Variants in KLHL14 observed in about 807,000 individuals in gnomAD.
KLHL14 encodes the protein kelch like family member 14, also known as kelch-like protein 14.
KLHL14 carries 22 observed loss-of-function variants against 64.3 expected under a neutral mutation model. The observed-to-expected ratio is 0.34, with a 90% CI of 0.24 to 0.49. KLHL14 has a LOEUF of 0.49. Ranked by LOEUF, KLHL14 falls within the 20% of genes least tolerant of loss-of-function variation. KLHL14 has a pLI of 0.99. For synonymous variants in KLHL14, 322 were observed against 333.4 expected (o/e 0.97, Z 0.37); for missense variants, 661 against 789.0 (o/e 0.84, Z 1.94).
chr18:32,729,012 T>C (rs1431194960), intron 3 of KLHL14, among the ~76,000 whole-genome samples: 1 of 152,194 alleles, frequency 6.6e-6, no homozygotes, highest in Non-Finnish European at 1.5e-5. Context: ...TCCATTGTTT[T>C]AAGCCACCCA....
intron 4 of KLHL14, among the ~76,000 whole-genome samples, chr18:32,689,314 T>G (rs1218826977): frequency 6.6e-6 from 1 of 151,876 alleles, no homozygotes; most frequent in African/African-American, 2.4e-5. Context: ...GTCCTCAGAG[T>G]GAGCCCTGGA....
intron 3 of KLHL14, among the ~76,000 whole-genome samples, chr18:32,709,953 G>C (rs1165999333): frequency 6.6e-6 from 1 of 152,138 alleles, no homozygotes. Flanking sequence ...TTAGCTACTT[G>C]GTTCAGTATT....
intron 5 of KLHL14, among the ~76,000 whole-genome samples, chr18:32,681,973 C>T (rs531878937): frequency 1.3e-5 from 2 of 152,290 alleles, no homozygotes; most frequent in South Asian, 2.1e-4. Flanking sequence ...TGATAATGGT[C>T]TCTTTCTCAC....
rs1466546622 is a variant in KLHL14 at position 32,674,740 on chromosome 18, G to C, written c.1804C>G (p.Leu602Val). ...YCPEKGTWTELEGDVAEPLAG... is the reference protein window; with the variant it reads ...YCPEKGTWTEVEGDVAEPLAG... ...AACGGTTCTGCTACATCTCCTTCGA[G>C]TTCTGTCCAGGTTCCTTTCTCTGGA... The change falls in exon 9 of 9, where the codon CTC becomes GTC. Residue 602 changes from leucine (L) to valine (V), a missense_variant. Transcript: ENST00000359358. 2 of 780,840 alleles carry C rather than the reference G, an allele frequency of 2.6e-6. No homozygotes were observed. The highest frequency in any genetic ancestry group is 4.8e-6 in the Non-Finnish European group (2 of 418,062). 48.4% of individuals were successfully genotyped at this position (780,840 alleles called of 1,614,324 possible).
chr18:32,761,967 A>G (rs912429120), intron 2 of KLHL14, among the ~76,000 whole-genome samples: 2 of 152,166 alleles, frequency 1.3e-5, no homozygotes, highest in Non-Finnish European at 2.9e-5. Flanking sequence ...GTCAAATTAC[A>G]TGGGAATTAA....
At chr18:32,701,136 T>C (rs2049964489) in intron 3 of KLHL14, among the ~76,000 whole-genome samples, 1 of 152,322 alleles carries the variant, frequency 6.6e-6, no homozygotes, top group South Asian at 2.1e-4. Context: ...GGGCATTCTA[T>C]AATTGATTCC....
intron 2 of KLHL14, among the ~76,000 whole-genome samples, chr18:32,762,751 A>G (rs2050321182): frequency 6.6e-6 from 1 of 152,140 alleles, no homozygotes; most frequent in Non-Finnish European, 1.5e-5. Context: ...ATCATTAGTA[A>G]TGCCTGTATT....
chr18:32,682,690 C>T (rs2049848067), intron 5 of KLHL14, among the ~76,000 whole-genome samples: 1 of 152,214 alleles, frequency 6.6e-6, no homozygotes, highest in African/African-American at 2.4e-5. Flanking sequence ...TCTATTTCCT[C>T]AACCAGGCTT....
chr18:32,746,452 AC>A (rs2050224328), intron 2 of KLHL14, among the ~76,000 whole-genome samples: 1 of 152,162 alleles, frequency 6.6e-6, no homozygotes, highest in African/African-American at 2.4e-5. Context: ...TTGAAGGATG[AC>A]CTAAACCTCC....
At chr18:32,735,327 G>A (rs2050159826) in intron 3 of KLHL14, among the ~76,000 whole-genome samples, 6 of 152,058 alleles carry the variant, frequency 3.9e-5, no homozygotes, top group Admixed American at 3.9e-4. Flanking sequence ...TTAAATCACT[G>A]TGTGACCCTA....
intron 3 of KLHL14, among the ~76,000 whole-genome samples, chr18:32,724,666 G>A (rs750282653): frequency 6.6e-6 from 1 of 152,190 alleles, no homozygotes; most frequent in African/African-American, 2.4e-5. Flanking sequence ...ACAATGTCTT[G>A]TGTATAGAAG....
At chr18:32,762,759 A>T (rs1262622384) in intron 2 of KLHL14, among the ~76,000 whole-genome samples, 11 of 152,126 alleles carry the variant, frequency 7.2e-5, no homozygotes. Flanking sequence ...TAATGCCTGT[A>T]TTGTGAATTA....
intron 2 of KLHL14, among the ~76,000 whole-genome samples, chr18:32,753,032 G>A (rs559470143): frequency 2.0e-5 from 3 of 150,818 alleles, no homozygotes; most frequent in Admixed American, 2.0e-4. Context: ...TTAATAAGAT[G>A]CAACGGGTAT....
At chr18:32,731,308 ATCTT>A (rs1226546873) in intron 3 of KLHL14, among the ~76,000 whole-genome samples, 3 of 152,224 alleles carry the variant, frequency 2.0e-5, no homozygotes, top group Non-Finnish European at 2.9e-5. Flanking sequence ...CTCCAAAATT[ATCTT>A]TCTATTTGTT....
intron 2 of KLHL14, among the ~76,000 whole-genome samples, chr18:32,761,714 G>T (rs533471380): frequency 6.6e-6 from 1 of 152,264 alleles, no homozygotes; most frequent in East Asian, 1.9e-4. Context: ...ACTGTAAATT[G>T]CATGCAGTCA....
Position 32,673,137 on chromosome 18 carries a change from CA to C in KLHL14, c.*1519del, listed in dbSNP as rs374613781. ...AACGGATCCTTTGGATCTGAACATA[CA>C]AATAAATACAAAAACAACGAAGATT... On this transcript the variant is annotated 3_prime_UTR_variant, in exon 9 of 9. Coordinates refer to ENST00000359358, the MANE Select transcript of KLHL14 (RefSeq NM_020805.3). The C allele has an allele frequency of 1.4e-3, 215 of 152,530 alleles. No individual in the cohort carries two copies. The highest frequency in any genetic ancestry group is 4.9e-3 in the African/African-American group (203 of 41,498). The allele number at this position is 152,530 out of a possible 1,614,324, so 9.4% of individuals were successfully genotyped here. A position where few individuals can be genotyped will look rare whatever the true frequency, so the allele number is the denominator to read the frequency against.
intron 2 of KLHL14, among the ~76,000 whole-genome samples, chr18:32,767,918 T>G (rs1229099004): frequency 6.6e-6 from 1 of 152,258 alleles, no homozygotes; most frequent in Non-Finnish European, 1.5e-5. Flanking sequence ...TGTTCAGAAC[T>G]ATAACTGTGT....
chr18:32,680,628 A>T lies in KLHL14; in HGVS notation c.1239-29T>A. The T allele has an allele frequency of 6.4e-7, 1 of 1,569,574 alleles. No individual in the cohort carries two copies. Among genetic ancestry groups the T allele is most frequent in the Non-Finnish European group, 8.6e-7 (1 of 1,156,942 alleles). ...CAATGAAAAGAACCCACAGTAAATC[A>T]CAAGAGGAGCTGTGAAATGTTACCT... On this transcript the variant is annotated intron_variant, in intron 5 of 8. Coordinates refer to ENST00000359358, the MANE Select transcript of KLHL14 (RefSeq NM_020805.3). This position sits in a 1 kb window ranked among gnomAD's most constrained non-coding sequence, Gnocchi z 4.8.
chr18:32,686,650 C>G (rs1192428316), intron 5 of KLHL14, among the ~76,000 whole-genome samples: 1 of 151,896 alleles, frequency 6.6e-6, no homozygotes, highest in Non-Finnish European at 1.5e-5. Context: ...GTAAACAAGA[C>G]AAAATTTACT....
Sources: allele counts gnomAD v4.1 joint callset (sites outside exome capture counted in the v4.1 genomes callset), GRCh38; gene constraint gnomAD v4.1.1; non-coding constraint Gnocchi (gnomAD v3.1); transcripts MANE v1.5; gene names NCBI Gene and HGNC (gene_info 2026-07-23, HGNC 2026-07-21).